The following PEAK1 variants were observed in gnomAD, a reference collection of about 807,000 sequenced individuals.
PEAK1 encodes the protein inactive tyrosine-protein kinase PEAK1.
In PEAK1, 54 loss-of-function variants were observed where a neutral mutation model predicts 124.7. The observed-to-expected ratio is 0.43, with a 90% CI of 0.35 to 0.54. The LOEUF (loss-of-function observed/expected upper bound fraction) is 0.54. Among genes scored for constraint, PEAK1 ranks in the 20% least tolerant of loss-of-function variants. PEAK1 has a pLI of 0.01. For missense variants in PEAK1, 2,046 were observed against 2,134.5 expected, an observed-to-expected ratio of 0.96 and a Z score of 0.82; for synonymous variants, 719 against 760.0, an observed-to-expected ratio of 0.95 and a Z score of 0.89.
chr15:77,146,539 C>CA (rs2054189277), intron 8 of PEAK1, among the ~76,000 whole-genome samples: 1 of 152,170 alleles, frequency 6.6e-6, no homozygotes, highest in South Asian at 2.1e-4. Flanking sequence ...TGCACTCTCT[C>CA]AACTAATTCT....
intron 2 of PEAK1, chr15:77,347,482 G>A (rs918551363): frequency 2.0e-6 from 2 of 985,326 alleles, no homozygotes; most frequent in Non-Finnish European, 2.4e-6. Flanking sequence ...TGGCACACCT[G>A]GACAAGGTGA....
intron 6 of PEAK1, among the ~76,000 whole-genome samples, chr15:77,234,166 C>T (rs1189742181): frequency 6.6e-6 from 1 of 152,236 alleles, no homozygotes; most frequent in Non-Finnish European, 1.5e-5. Flanking sequence ...TGTGCCCACA[C>T]AGCATTCACA....
intron 1 of PEAK1, among the ~76,000 whole-genome samples, chr15:77,396,113 T>C (rs1226269491): frequency 6.6e-6 from 1 of 152,158 alleles, no homozygotes. Context: ...TTTTCTTTGC[T>C]TGTTTATGCG....
chr15:77,332,220 C>A lies in PEAK1; in HGVS notation c.-603+32943G>T, dbSNP rs531631290. On this transcript the variant is annotated intron_variant, in intron 2 of 9. Coordinates refer to ENST00000682557, the MANE Select transcript of PEAK1 (RefSeq NM_001385026.1). The stretch of plus-strand genomic sequence containing the variant: ...CCTCACTAACAATGCATATGTGAGT[C>A]CTTTTTTGACAAAACACAAAAAGTT... 8.8e-5 allele frequency: 86 copies of A among 981,900 alleles called. No individual in the cohort carries two copies. The South Asian group carries it at 3.1e-3, about 36-fold the overall frequency. The allele number at this position is 981,900 out of a possible 1,614,324, so 60.8% of individuals were successfully genotyped here.
chr15:77,273,767 T>G (rs2062160047), intron 5 of PEAK1, among the ~76,000 whole-genome samples: 1 of 151,900 alleles, frequency 6.6e-6, no homozygotes, highest in Admixed American at 6.6e-5. Context: ...TTCACAGAAC[T>G]AGAAAAAAAA....
chr15:77,179,025 C>G lies in PEAK1; in HGVS notation c.2902G>C (p.Val968Leu). 1 of 1,614,146 alleles carries G rather than the reference C, an allele frequency of 6.2e-7. No individual in the cohort carries two copies. The part of the protein sequence containing the change: ...TVIHMLPPPP[V>L]QRHHWFTEAK... ...TCTGTGAACCAGTGATGGCGCTGAACTGGAGGAGGAGGCAGCATGTGAATG... is the reference window on the plus strand; with the variant it reads ...TCTGTGAACCAGTGATGGCGCTGAAGTGGAGGAGGAGGCAGCATGTGAATG... Residue 968 changes from valine (V) to leucine (L), a missense_variant, in exon 7 of 10, where the codon GTT (valine) becomes CTT (leucine). Coordinates refer to ENST00000682557, the MANE Select transcript of PEAK1 (RefSeq NM_001385026.1).
chr15:77,165,633 A>C (rs1043933810), intron 7 of PEAK1, among the ~76,000 whole-genome samples: 1 of 152,138 alleles, frequency 6.6e-6, no homozygotes, highest in Non-Finnish European at 1.5e-5. Flanking sequence ...AGATGCTGAG[A>C]AATGATAACA....
At chr15:77,141,580 C>G (rs968766257) in intron 8 of PEAK1, among the ~76,000 whole-genome samples, 1 of 152,098 alleles carries the variant, frequency 6.6e-6, no homozygotes, top group Admixed American at 6.5e-5. Context: ...TGGTCAAAGT[C>G]TTTAAAAAGA....
In PEAK1 at chr15:77,217,515, G is replaced by A. The variant is rs187227709; in HGVS notation, c.-115+34852C>T. Reference sequence around the variant, plus strand: ...CCAGAGAGTCCTCCACCACAGCAACGTTCCTGGTTCATTCTTCTCATTAAA... The same window carrying A: ...CCAGAGAGTCCTCCACCACAGCAACATTCCTGGTTCATTCTTCTCATTAAA... On this transcript the variant is annotated intron_variant, in intron 6 of 9. Transcript: ENST00000682557. Among the ~76,000 whole-genome samples, 208 of 152,234 alleles carry A rather than the reference G, an allele frequency of 1.4e-3. 1 individual carries two copies. The highest frequency in any genetic ancestry group is 4.8e-3 in the African/African-American group (201 of 41,528).
At chr15:77,129,269 G>A (rs1005674648) in intron 9 of PEAK1, among the ~76,000 whole-genome samples, 1 of 152,178 alleles carries the variant, frequency 6.6e-6, no homozygotes, top group African/African-American at 2.4e-5. Context: ...TTAGCCTCCA[G>A]AAATAGGGAA....
intron 6 of PEAK1, among the ~76,000 whole-genome samples, chr15:77,244,911 G>A (rs751645391): frequency 3.1e-4 from 47 of 152,122 alleles, no homozygotes; most frequent in South Asian, 6.2e-4. Flanking sequence ...CTAACAAAAT[G>A]TTATGTGAAT....
At chr15:77,101,391 T>C (rs565825498) in exon 7 of PEAK1, 5 of 152,362 alleles carry the variant, frequency 3.3e-5, no homozygotes, top group Admixed American at 3.3e-4. Flanking sequence ...ACAGTATCTT[T>C]GTTCAGCAAA....
chr15:77,186,013 CT>C (rs1567089280), intron 6 of PEAK1, among the ~76,000 whole-genome samples: 1 of 152,022 alleles, frequency 6.6e-6, no homozygotes. Flanking sequence ...TTGTTTTTAC[CT>C]TTTTTGGTAG....
At chr15:77,145,604 T>C (rs890710636) in intron 8 of PEAK1, among the ~76,000 whole-genome samples, 2 of 152,178 alleles carry the variant, frequency 1.3e-5, no homozygotes, top group Non-Finnish European at 2.9e-5. Context: ...AGTAGCATGA[T>C]TTCCTGGTTG....
intron 6 of PEAK1, among the ~76,000 whole-genome samples, chr15:77,194,935 C>T (rs2058030833): frequency 1.3e-5 from 2 of 152,148 alleles, no homozygotes; most frequent in African/African-American, 2.4e-5. Flanking sequence ...TTGATGTTGA[C>T]ACCAATTACA....
chr15:77,311,685 C>CAAAAAAAAAAAAA (rs11296386), intron 2 of PEAK1, among the ~76,000 whole-genome samples: 15 of 85,838 alleles, frequency 1.7e-4, no homozygotes, highest in East Asian at 7.3e-4. Flanking sequence ...CCAACCCCCA[C>CAAAAAAAAAAAAA]AAAAAAAAAA....
At chr15:77,400,556 C>G (rs1597610010) in intron 1 of PEAK1, among the ~76,000 whole-genome samples, 2 of 152,072 alleles carry the variant, frequency 1.3e-5, no homozygotes, top group East Asian at 1.9e-4. Context: ...ATAAGCCAAG[C>G]AGAGAAGGAC....
At chr15:77,143,344 C>CA (rs1186257566) in intron 8 of PEAK1, among the ~76,000 whole-genome samples, 1 of 152,164 alleles carries the variant, frequency 6.6e-6, no homozygotes, top group Non-Finnish European at 1.5e-5. Context: ...ACAACTGTGA[C>CA]AGTCTCCTAT....
intron 2 of PEAK1, among the ~76,000 whole-genome samples, chr15:77,319,889 T>C (rs918561398): frequency 6.6e-6 from 1 of 152,198 alleles, no homozygotes; most frequent in African/African-American, 2.4e-5. Flanking sequence ...CTTTCTTCAT[T>C]TGCAAAGTGG....
Sources: gnomAD v4.1 joint callset for allele counts (sites outside exome capture counted in the v4.1 genomes callset) on GRCh38, gnomAD v4.1.1 for gene constraint, MANE v1.5 for transcripts, NCBI Gene and HGNC (gene_info 2026-07-23, HGNC 2026-07-21) for gene names.